LONP1: variants seen among roughly 807,000 people sequenced by gnomAD.
The protein encoded by LONP1 is lon peptidase 1, mitochondrial.
Under a neutral mutation model 98.5 loss-of-function variants are expected in LONP1, and 31 were observed. The ratio of observed to expected loss-of-function variants is 0.31; its 90% CI spans 0.24 to 0.42. LONP1 has a LOEUF of 0.42. Among genes scored for constraint, LONP1 ranks in the 20% least tolerant of loss-of-function variants. The pLI, the probability that LONP1 is intolerant of heterozygous loss-of-function variation, is 1.00. For synonymous variants in LONP1, 781 were observed against 594.7 expected (o/e 1.31, Z -4.56); for missense variants, 1,336 against 1,350.6 (o/e 0.99, Z 0.17).
intron 15 of LONP1, 38 bp downstream of exon 15, chr19:5,694,349 G>A: frequency 6.2e-7 from 1 of 1,602,848 alleles, no homozygotes; most frequent in Non-Finnish European, 8.5e-7. Flanking sequence ...GGTAGAAATG[G>A]GAATGGCTTT....
At chr19:5,704,158 T>A (rs769170288) in intron 8 of LONP1, among the ~76,000 whole-genome samples, 1 of 152,064 alleles carries the variant, frequency 6.6e-6, no homozygotes, top group Non-Finnish European at 1.5e-5. Flanking sequence ...TGGAAGAGGC[T>A]GCGCTGTGGC....
chr19:5,705,457 C>CA lies in LONP1; in HGVS notation c.1367+314dup, dbSNP rs552452093. 0.22 allele frequency among the ~76,000 whole-genome samples: 23,255 copies of CA among 105,802 alleles called. 2,648 individuals carry two copies. The highest frequency in any genetic ancestry group is 0.33 in the African/African-American group (8,812 of 26,902). 69.4% of individuals were successfully genotyped at this position (105,802 alleles called of 152,430 possible). On this transcript the variant is annotated intron_variant, in intron 8 of 17. Transcript: ENST00000360614. The stretch of plus-strand genomic sequence containing the variant: ...TGGACAACTGAGCGAGACTCCATTT[C>CA]AAAAAAAAAAAAAAAAAAAAGCAGC...
intron 2 of LONP1, 33 bp from the exon 3 acceptor site, chr19:5,713,286 C>G (rs112012493): frequency 1.2e-6 from 2 of 1,610,204 alleles, no homozygotes; most frequent in South Asian, 1.1e-5. Flanking sequence ...AATGTTGGAA[C>G]ATGGCTTTCA....
At position 5,711,777 on chromosome 19, in the gene LONP1, C is replaced by T. The variant is rs2050178158; in HGVS notation, c.864G>A (p.Glu288=). 2.5e-6 allele frequency: 4 copies of T among 1,607,696 alleles called. No homozygotes were observed. In the South Asian group the frequency reaches 3.3e-5, roughly 13 times the overall value. The change falls in exon 4 of 18, where the codon GAG becomes GAA. Residue 288 remains glutamate, a synonymous_variant. Transcript: ENST00000360614. The stretch of plus-strand genomic sequence containing the variant: ...GCGTGACGCACGGACTCACTTTCAC[C>T]TCCTCCGTGACCTGGAAGTCCTCGT... ...VVHEDFQVTE[E]VKALTAEIVK...
intron 8 of LONP1, among the ~76,000 whole-genome samples, chr19:5,702,452 T>C (rs1261193264): frequency 2.3e-3 from 299 of 131,954 alleles, no homozygotes; most frequent in Middle Eastern, 6.0e-3. Flanking sequence ...CCCCTCTGCC[T>C]GGCCAGCCGC....
intron 15 of LONP1, among the ~76,000 whole-genome samples, 161 bp from the exon 16 acceptor site, chr19:5,693,930 G>A (rs554542887): frequency 2.0e-5 from 3 of 152,264 alleles, no homozygotes; most frequent in South Asian, 2.1e-4. Context: ...TGGCCTCTAC[G>A]TTTGCTGCGT....
At chr19:5,702,151 G>A (rs1225401484) in intron 8 of LONP1, among the ~76,000 whole-genome samples, 5 of 150,540 alleles carry the variant, frequency 3.3e-5, no homozygotes, top group African/African-American at 9.8e-5. Flanking sequence ...CGCCCCTACT[G>A]GGAAGTGAGG....
Position 5,691,954 on chromosome 19 carries a change from C to T in LONP1, c.*78G>A. ...TCGCTCGGTGGCTCCACTGCCAGGT[C>T]CGGGCGCGCTCCCCACAGCGCTCAG... On this transcript the variant is annotated 3_prime_UTR_variant, in exon 18 of 18. Coordinates refer to ENST00000360614, the MANE Select transcript of LONP1 (RefSeq NM_004793.4). The T allele has an allele frequency of 1.1e-6, 1 of 887,584 alleles. No individual in the cohort carries two copies. Among genetic ancestry groups the T allele is most frequent in the Non-Finnish European group, 1.6e-6 (1 of 617,108 alleles). The allele number at this position is 887,584 out of a possible 1,614,324, so 55.0% of individuals were successfully genotyped here.
At chr19:5,704,882 C>A (rs889542814) in intron 8 of LONP1, among the ~76,000 whole-genome samples, 3 of 152,234 alleles carry the variant, frequency 2.0e-5, no homozygotes, top group African/African-American at 7.2e-5. Context: ...TGGCTTAGGC[C>A]AGGCGTGGTG....
intron 4 of LONP1, among the ~76,000 whole-genome samples, chr19:5,711,171 T>A (rs1216308180): frequency 2.0e-5 from 3 of 152,066 alleles, no homozygotes; most frequent in African/African-American, 7.2e-5. Context: ...TCACAGCACT[T>A]CCCCCTAGGC....
At chr19:5,703,294 T>C (rs1568319947) in intron 8 of LONP1, among the ~76,000 whole-genome samples, 1 of 152,124 alleles carries the variant, frequency 6.6e-6, no homozygotes, top group Non-Finnish European at 1.5e-5. Context: ...AAGACGGCAC[T>C]GGCTTCTGCC....
chr19:5,701,835 T>C (rs1431636447), intron 8 of LONP1, among the ~76,000 whole-genome samples: 2 of 150,016 alleles, frequency 1.3e-5, no homozygotes, highest in Non-Finnish European at 3.0e-5. Context: ...CTGCCCAGTC[T>C]GGAAGGTGAG....
rs1364853339 is a variant in LONP1 at position 5,696,041 on chromosome 19, G to A, written c.2013+13C>T. 6.2e-7 allele frequency: 1 copy of A among 1,608,140 alleles called. No homozygotes were observed. Among genetic ancestry groups the A allele is most frequent in the Non-Finnish European group, 8.5e-7 (1 of 1,177,598 alleles). ...CTGGGAAGGGGACAGCAGTGGGGAGGGGCTGGGCTTACCTCCGCAATGGCC... is the reference window on the plus strand; with the variant it reads ...CTGGGAAGGGGACAGCAGTGGGGAGAGGCTGGGCTTACCTCCGCAATGGCC... On this transcript the variant is annotated intron_variant, in intron 13 of 17. Transcript: ENST00000360614.
At chr19:5,694,057 C>G (rs2054880103) in intron 15 of LONP1, among the ~76,000 whole-genome samples, 1 of 152,216 alleles carries the variant, frequency 6.6e-6, no homozygotes, top group South Asian at 2.1e-4. Context: ...GACACAAGCC[C>G]TTCTCCAGCC....
chr19:5,701,521 C>T (rs565661962), intron 8 of LONP1, among the ~76,000 whole-genome samples: 15 of 150,920 alleles, frequency 9.9e-5, no homozygotes, highest in African/African-American at 1.7e-4. Context: ...TTGGTGGAGA[C>T]GGGGTTTCAC....
rs144298860 is a variant in LONP1 at position 5,696,129 on chromosome 19, G to A, written c.1938C>T (p.Pro646=). The A allele has an allele frequency of 7.4e-5, 120 of 1,612,910 alleles. 1 individual carries two copies. Among genetic ancestry groups the A allele is most frequent in the African/African-American group, 5.2e-4 (39 of 75,048 alleles). Residue 646 remains proline, a synonymous_variant, in exon 13 of 18, where the codon CCC becomes CCT. Coordinates refer to ENST00000360614, the MANE Select transcript of LONP1 (RefSeq NM_004793.4). ...TCTCCATACGGTCTCGCAGCGGCTC[G>A]GGGATGGTGTCCGTGACGTTGGCCG... ...ICTANVTDTI[P]EPLRDRMEMI...
In LONP1 at chr19:5,713,247, C is replaced by A. The variant is rs762911819; in HGVS notation, c.525G>T (p.Glu175Asp). The change falls in exon 3 of 18, where the codon GAG becomes GAT. Residue 175 changes from glutamate to aspartate, a missense_variant. Transcript: ENST00000360614. ...CATCCAGGCTCTCGACCACATCCGA[C>A]TCATTGCTGTGGGAGAAGAGCACAG... The part of the protein sequence containing the change: ...GVFLKRDDSN[E>D]SDVVESLDEI... The A allele has an allele frequency of 6.2e-7, 1 of 1,613,970 alleles. No individual in the cohort carries two copies. Among genetic ancestry groups the A allele is most frequent in the East Asian group, 2.2e-5 (1 of 44,866 alleles).
intron 15 of LONP1, 74 bp downstream of exon 15, chr19:5,694,313 T>C: frequency 6.3e-7 from 1 of 1,580,160 alleles, no homozygotes; most frequent in South Asian, 1.1e-5. Context: ...TGCACAGGTG[T>C]ACAAGGTGGG....
chr19:5,695,986 C>G (rs1348233712), intron 13 of LONP1, 68 bp downstream of exon 13: 1 of 1,424,664 alleles, frequency 7.0e-7, no homozygotes, highest in East Asian at 2.4e-5. Context: ...GAGGCACGGC[C>G]TCTGCAGGCT....
Sources: gnomAD v4.1 joint callset for allele counts (sites outside exome capture counted in the v4.1 genomes callset) on GRCh38, gnomAD v4.1.1 for gene constraint, MANE v1.5 for transcripts, NCBI Gene and HGNC (gene_info 2026-07-23, HGNC 2026-07-21) for gene names.